Variants in KCND2 observed in about 807,000 individuals in gnomAD.
The protein encoded by KCND2 is potassium voltage-gated channel subfamily D member 2.
In KCND2, 16 loss-of-function variants were observed where a neutral mutation model predicts 54.4. That is an observed-to-expected ratio of 0.29 (90% CI 0.20 to 0.45). The LOEUF (loss-of-function observed/expected upper bound fraction) is 0.45, where lower values mean the gene tolerates loss of function less well. Ranked by LOEUF, KCND2 falls within the 20% of genes least tolerant of loss-of-function variation. KCND2 has a pLI of 1.00. For missense variants in KCND2, 486 were observed against 824.2 expected (o/e 0.59, Z 5.02); for synonymous variants, 317 against 310.7 (o/e 1.02, Z -0.21).
Position 120,274,249 on chromosome 7 carries a change from C to A in KCND2, c.-384C>A. 1 of 335,344 alleles carries A rather than the reference C, an allele frequency of 3.0e-6. No individual in the cohort carries two copies. The highest frequency in any genetic ancestry group is 5.6e-6 in the Non-Finnish European group (1 of 178,980). The allele number at this position is 335,344 out of a possible 1,614,324, so 20.8% of individuals were successfully genotyped here. A position where few individuals can be genotyped will look rare whatever the true frequency, so the allele number is the denominator to read the frequency against. On this transcript the variant is annotated 5_prime_UTR_variant, in exon 1 of 6. Transcript: ENST00000331113. ...CGTTCGTCTTCTCTATCCTACACTC[C>A]ACATACTGACCCTATATTATCCAGA...
chr7:120,741,443 A>C (rs1207551832), intron 2 of KCND2, 91 bp from the exon 3 acceptor site: 8 of 872,578 alleles, frequency 9.2e-6, no homozygotes, highest in Non-Finnish European at 1.5e-5. Flanking sequence ...AAAAATATGT[A>C]GGCTGACAAT....
intron 1 of KCND2, among the ~76,000 whole-genome samples, chr7:120,302,358 C>T (rs892848199): frequency 2.0e-5 from 3 of 152,156 alleles, no homozygotes; most frequent in Non-Finnish European, 4.4e-5. Context: ...CTCTGAGGCT[C>T]AGGCGATCCT....
intron 1 of KCND2, among the ~76,000 whole-genome samples, chr7:120,616,464 G>T (rs1793026121): frequency 1.3e-5 from 2 of 152,118 alleles, no homozygotes; most frequent in African/African-American, 4.8e-5. Flanking sequence ...GAATCTGATA[G>T]AAATTGATCA....
At chr7:120,389,913 A>G (rs915591097) in intron 1 of KCND2, among the ~76,000 whole-genome samples, 9 of 151,924 alleles carry the variant, frequency 5.9e-5, no homozygotes, top group Admixed American at 6.6e-5. Flanking sequence ...AACTCCCTTG[A>G]TCACCTATTA....
chr7:120,332,572 A>G (rs569310885), intron 1 of KCND2, among the ~76,000 whole-genome samples: 1 of 152,216 alleles, frequency 6.6e-6, no homozygotes, highest in South Asian at 2.1e-4. Flanking sequence ...AAGCCTTTAT[A>G]GCCTGTACGC....
At chr7:120,503,831 T>C (rs958874215) in intron 1 of KCND2, among the ~76,000 whole-genome samples, 13 of 151,920 alleles carry the variant, frequency 8.6e-5, no homozygotes, top group African/African-American at 3.1e-4. Flanking sequence ...TACAAAATAA[T>C]GAATATAAAA....
chr7:120,348,578 C>A (rs1427673367), intron 1 of KCND2, among the ~76,000 whole-genome samples: 1 of 152,108 alleles, frequency 6.6e-6, no homozygotes, highest in African/African-American at 2.4e-5. Context: ...TTCTCTGATA[C>A]AAATAGGGAT....
Position 120,745,841 on chromosome 7 carries a change from A to C in KCND2, c.1529A>C (p.Asn510Thr), listed in dbSNP as rs1165664409. Residue 510 changes from asparagine (N) to threonine (T), a missense_variant, in exon 5 of 6, where the codon AAT becomes ACT. This residue lies in a region of KCND2 where 202 missense variants were observed against 252.7 expected (regional missense o/e 0.80). Transcript: ENST00000331113. ...AGCTGCATGGAAGTTGCAACTGTTA[A>C]TCGTCCTTCAAGTCACAGTCCTTCA... is the stretch of plus-strand genomic sequence containing the variant. ...EESCMEVATV[N>T]RPSSHSPSLS... 6.2e-7 allele frequency: 1 copy of C among 1,613,800 alleles called. No homozygotes were observed. Among genetic ancestry groups the C allele is most frequent in the South Asian group, 1.1e-5 (1 of 91,084 alleles).
At chr7:120,456,289 T>A in intron 1 of KCND2, among the ~76,000 whole-genome samples, 1 of 152,292 alleles carries the variant, frequency 6.6e-6, no homozygotes, top group Non-Finnish European at 1.5e-5. Context: ...CATTGGGCAA[T>A]TTACCTAACT....
intron 1 of KCND2, among the ~76,000 whole-genome samples, chr7:120,669,693 C>CA (rs1158274409): frequency 6.6e-5 from 10 of 152,108 alleles, no homozygotes; most frequent in African/African-American, 2.4e-4. Flanking sequence ...AATGTCATCT[C>CA]ACTGGTGGCT....
chr7:120,494,368 A>G (rs371641825), intron 1 of KCND2, among the ~76,000 whole-genome samples: 42 of 152,234 alleles, frequency 2.8e-4, no homozygotes, highest in African/African-American at 9.6e-4. Context: ...ATTTAAACAA[A>G]GTCATTTTGT....
Position 120,355,588 on chromosome 7 carries a change from A to G in KCND2, c.1115+79841A>G, listed in dbSNP as rs190220663. On this transcript the variant is annotated intron_variant, in intron 1 of 5. Coordinates refer to ENST00000331113, the MANE Select transcript of KCND2 (RefSeq NM_012281.3). ...TACATGAGATATTCAGCACTTTATT[A>G]TAAGACAGGCTTTGTGTTAGATGAT... is the stretch of plus-strand genomic sequence containing the variant. Among the ~76,000 whole-genome samples the G allele has an allele frequency of 1.8e-4, 27 of 152,218 alleles. No individual in the cohort carries two copies. In the East Asian group the frequency reaches 2.3e-3, roughly 13 times the overall value.
chr7:120,404,747 T>G (rs1239901799), intron 1 of KCND2, among the ~76,000 whole-genome samples: 1 of 150,692 alleles, frequency 6.6e-6, no homozygotes, highest in African/African-American at 2.4e-5. Context: ...TAGGATTCTC[T>G]TTGATTAGCA....
intron 1 of KCND2, among the ~76,000 whole-genome samples, chr7:120,299,509 A>G (rs776825274): frequency 1.3e-5 from 2 of 152,210 alleles, no homozygotes; most frequent in Non-Finnish European, 2.9e-5. Flanking sequence ...AGTTAGGTTC[A>G]GCTATGAGTA....
chr7:120,509,837 A>T (rs1028255540), intron 1 of KCND2, among the ~76,000 whole-genome samples: 4 of 152,096 alleles, frequency 2.6e-5, no homozygotes, highest in African/African-American at 9.7e-5. Flanking sequence ...TTCAATAAGG[A>T]ATACAATACC....
chr7:120,649,831 C>A (rs1791703187), intron 1 of KCND2, among the ~76,000 whole-genome samples: 1 of 152,162 alleles, frequency 6.6e-6, no homozygotes, highest in African/African-American at 2.4e-5. Flanking sequence ...AATCTCTCAG[C>A]ATTTGCTTGT....
rs183654634 is a variant in KCND2, at chr7:120,683,171, C to A, written c.1116-49732C>A. 2.0e-5 allele frequency among the ~76,000 whole-genome samples: 3 copies of A among 152,230 alleles called. No individual in the cohort carries two copies. In the East Asian group the frequency reaches 5.8e-4, roughly 29 times the overall value. ...TCTGAGCAAAGTTTCGTATCAAGCA[C>A]CAAGCATCATGCCTTTCATCCTGTG... On this transcript the variant is annotated intron_variant, in intron 1 of 5. Transcript: ENST00000331113.
intron 1 of KCND2, among the ~76,000 whole-genome samples, chr7:120,511,438 A>G (rs1481458330): frequency 2.0e-5 from 3 of 152,132 alleles, no homozygotes; most frequent in African/African-American, 7.2e-5. Context: ...CCTGGCTCAC[A>G]GTAGGCATTC....
chr7:120,596,737 G>GT (rs61443346), intron 1 of KCND2, among the ~76,000 whole-genome samples: 105,240 of 152,000 alleles, frequency 0.69, 38,835 homozygotes, highest in Middle Eastern at 0.88. Context: ...CATACTGTTA[G>GT]TTCCTGGGTA....
Sources: gnomAD v4.1 joint callset for allele counts (sites outside exome capture counted in the v4.1 genomes callset) on GRCh38, gnomAD v4.1.1 for gene constraint, gnomAD v4.1.1 regional missense constraint, MANE v1.5 for transcripts, NCBI Gene and HGNC (gene_info 2026-07-23, HGNC 2026-07-21) for gene names.